The following ITGA11 variants were observed in gnomAD, a reference collection of about 807,000 sequenced individuals.
ITGA11 encodes integrin subunit alpha 11.
A neutral mutation model predicts 141.9 loss-of-function variants in ITGA11; 97 were observed. The observed-to-expected ratio is 0.68, with a 90% CI of 0.58 to 0.81. The LOEUF (loss-of-function observed/expected upper bound fraction) is 0.81. Ranked by LOEUF, ITGA11 falls within the 30% of genes least tolerant of loss-of-function variation. The pLI is 0.00. For missense variants in ITGA11, 1,387 were observed against 1,559.2 expected, an observed-to-expected ratio of 0.89 and a Z score of 1.86; for synonymous variants, 658 against 624.6, an observed-to-expected ratio of 1.05 and a Z score of -0.80.
chr15:68,326,789 T>G lies in ITGA11; in HGVS notation c.2076A>C (p.Arg692Ser). ...GCCTCTCATCCATGGTGGCGTTGTA[T>G]CTGATGCCTGCAGGAGGGGAGAGGG... ...PHFQTTTVGI[R>S]YNATMDERRY... The change falls in exon 17 of 30, where the codon AGA becomes AGC. Residue 692 changes from arginine (R) to serine (S), a missense_variant. Coordinates refer to ENST00000315757, the MANE Select transcript of ITGA11 (RefSeq NM_001004439.2). This position sits in a 1 kb window ranked among gnomAD's most constrained non-coding sequence, Gnocchi z 6.8. The G allele has an allele frequency of 1.3e-6, 2 of 1,580,318 alleles. No homozygotes were observed. The highest frequency in any genetic ancestry group is 1.7e-6 in the Non-Finnish European group (2 of 1,162,534).
chr15:68,331,033 C>T lies in ITGA11; in HGVS notation c.1849G>A (p.Asp617Asn). The T allele has an allele frequency of 6.2e-7, 1 of 1,613,468 alleles. No individual in the cohort carries two copies. Among genetic ancestry groups the T allele is most frequent in the Non-Finnish European group, 8.5e-7 (1 of 1,179,706 alleles). Residue 617 changes from aspartate to asparagine, a missense_variant, in exon 15 of 30, where the codon GAT (aspartate) becomes AAT (asparagine). Coordinates refer to ENST00000315757, the MANE Select transcript of ITGA11 (RefSeq NM_001004439.2). ...CCCACTGCCAGGTCGATGAGCCCAT[C>T]CTCATTGAGGTCCAATTGCCCGTGG... ...SIHGQLDLNE[D>N]GLIDLAVGAL...
At position 68,308,747 on chromosome 15, in the gene ITGA11, AAAAGAAAAGAAAAG is replaced by A. The variant is rs1390963061; in HGVS notation, c.3175-1065_3175-1052del. Among the ~76,000 whole-genome samples, 865 of 4,814 alleles carry A rather than the reference AAAAGAAAAGAAAAG, an allele frequency of 0.18. 9 individuals carry two copies. Among genetic ancestry groups the A allele is most frequent in the South Asian group, 0.42 (114 of 270 alleles). The allele number at this position is 4,814 out of a possible 152,430, so 3.2% of individuals were successfully genotyped here. A position where few individuals can be genotyped will look rare whatever the true frequency, so the allele number is the denominator to read the frequency against. On this transcript the variant is annotated intron_variant, in intron 26 of 29. Transcript: ENST00000315757. The surrounding 1 kb of genome is among the most constrained non-coding windows in gnomAD (Gnocchi z 5.2). ...ACCGAGCCAGACTCTGTCTCAAAAG[AAAAGAAAAGAAAAG>A]AAAGAAAAGAAAAGAAAAGAAAAGG...
chr15:68,369,127 TG>T (rs1049263071), intron 3 of ITGA11, 56 bp downstream of exon 3: 1 of 1,269,500 alleles, frequency 7.9e-7, no homozygotes, highest in African/African-American at 1.5e-5. Flanking sequence ...CATCAGAGCC[TG>T]CCTTGTGTTA....
chr15:68,303,174 G>C lies in ITGA11; in HGVS notation c.3496-44C>G. On this transcript the variant is annotated intron_variant, in intron 29 of 29. Coordinates refer to ENST00000315757, the MANE Select transcript of ITGA11 (RefSeq NM_001004439.2). This position sits in a 1 kb window ranked among gnomAD's most constrained non-coding sequence, Gnocchi z 5.3. ...AGACGTCTCAGAGGAGGACAGGGTG[G>C]GCAAGGCCTGCCCCAGCTTTCCCTC... 1 of 1,504,868 alleles carries C rather than the reference G, an allele frequency of 6.6e-7. No homozygotes were observed. The highest frequency in any genetic ancestry group is 1.4e-5 in the African/African-American group (1 of 71,676). 93.2% of individuals were successfully genotyped at this position (1,504,868 alleles called of 1,614,324 possible).
Position 68,364,786 on chromosome 15 carries a change from A to G in ITGA11, c.278T>C (p.Leu93Pro). ...GTCTTTCCGCTCGGACACGTTGGAC[A>G]GGGTGACCCTTCCTGGGGTTGGGGG... is the stretch of plus-strand genomic sequence containing the variant. ...CTKLNLGRVT[L>P]SNVSERKDNM... Residue 93 changes from leucine to proline, a missense_variant, in exon 4 of 30, where the codon CTG becomes CCG. Coordinates refer to ENST00000315757, the MANE Select transcript of ITGA11 (RefSeq NM_001004439.2). 2 of 1,613,830 alleles carry G rather than the reference A, an allele frequency of 1.2e-6. No homozygotes were observed. The highest frequency in any genetic ancestry group is 2.2e-5 in the East Asian group (1 of 44,856).
chr15:68,348,923 T>A (rs1894823464), intron 9 of ITGA11, 23 bp from the exon 10 acceptor site: 1 of 1,590,242 alleles, frequency 6.3e-7, no homozygotes, highest in South Asian at 1.1e-5. Context: ...GACAGAGAGA[T>A]GTCAGCTCCA....
At chr15:68,361,954 G>A in intron 4 of ITGA11, 1 of 414,696 alleles carries the variant, frequency 2.4e-6, no homozygotes, top group Non-Finnish European at 4.4e-6. Flanking sequence ...TCAAGGCCCT[G>A]TTCTCCATCT....
Position 68,333,587 on chromosome 15 carries a change from G to A in ITGA11, c.1426-1109C>T, listed in dbSNP as rs545962110. ...ACTCCACCCTCCACCTCTCCCACCC[G>A]TAAACCTGCCAGCAAGTGCTACGTG... is the stretch of plus-strand genomic sequence containing the variant. On this transcript the variant is annotated intron_variant, in intron 12 of 29. Transcript: ENST00000315757. This position sits in a 1 kb window ranked among gnomAD's most constrained non-coding sequence, Gnocchi z 4.2. Among the ~76,000 whole-genome samples the A allele has an allele frequency of 2.6e-5, 4 of 152,092 alleles. No individual in the cohort carries two copies. The highest frequency in any genetic ancestry group is 2.1e-4 in the South Asian group (1 of 4,802).
chr15:68,325,292 A>G lies in ITGA11; in HGVS notation c.2212-51T>C. 8.0e-7 allele frequency: 1 copy of G among 1,243,826 alleles called. No homozygotes were observed. The highest frequency in any genetic ancestry group is 1.2e-6 in the Non-Finnish European group (1 of 843,496). The allele number at this position is 1,243,826 out of a possible 1,614,324, so 77.0% of individuals were successfully genotyped here. On this transcript the variant is annotated intron_variant, in intron 17 of 29. Transcript: ENST00000315757. This position sits in a 1 kb window ranked among gnomAD's most constrained non-coding sequence, Gnocchi z 5.5. ...GTGAGGGAGGAGAGAACGTCATTTT[A>G]TGAGCCAGGACCGTGGATGCTGAGA...
chr15:68,423,146 C>T (rs553226047), intron 1 of ITGA11, among the ~76,000 whole-genome samples: 2 of 152,284 alleles, frequency 1.3e-5, no homozygotes, highest in East Asian at 1.9e-4. Flanking sequence ...CTATGTCTCG[C>T]GCTGTGCAAG....
chr15:68,329,153 C>T (rs1028805143), intron 15 of ITGA11, among the ~76,000 whole-genome samples: 36 of 152,328 alleles, frequency 2.4e-4, no homozygotes, highest in Non-Finnish European at 3.2e-4. Context: ...CTTGGCTCCA[C>T]GGGCTCCTCA....
intron 2 of ITGA11, among the ~76,000 whole-genome samples, chr15:68,376,505 G>A (rs139819103): frequency 6.6e-6 from 1 of 152,332 alleles, no homozygotes; most frequent in African/African-American, 2.4e-5. Flanking sequence ...AAATATCCCA[G>A]CACCCAGAAC....
At chr15:68,320,049 C>G (rs1893741642) in intron 20 of ITGA11, 136 bp downstream of exon 20, 1 of 749,752 alleles carries the variant, frequency 1.3e-6, no homozygotes, top group Non-Finnish European at 2.2e-6. Context: ...CTCAGCCTCC[C>G]AAAGTGCTAG....
chr15:68,350,646 G>T lies in ITGA11; in HGVS notation c.1031C>A (p.Ala344Asp), dbSNP rs1369626161. 1.2e-6 allele frequency: 2 copies of T among 1,613,854 alleles called. No individual in the cohort carries two copies. ...DEAALKDIVDALGDRIFSLEG... is the reference protein window; with the variant it reads ...DEAALKDIVDDLGDRIFSLEG... The stretch of plus-strand genomic sequence containing the variant: ...CAGGCTGAAGATTCTGTCCCCCAGG[G>T]CATCGACAATGTCCTTCAAGGCAGC... The change falls in exon 9 of 30, where the codon GCC becomes GAC. Residue 344 changes from alanine to aspartate, a missense_variant. By Grantham distance (126) the Ala-to-Asp change is moderately radical (BLOSUM62 -2). Coordinates refer to ENST00000315757, the MANE Select transcript of ITGA11 (RefSeq NM_001004439.2).
chr15:68,331,922 G>A lies in ITGA11; in HGVS notation c.1707C>T (p.Asn569=), dbSNP rs764139792. 1.2e-6 allele frequency: 2 copies of A among 1,613,442 alleles called. No homozygotes were observed. Among genetic ancestry groups the A allele is most frequent in the East Asian group, 2.2e-5 (1 of 44,854 alleles). The change falls in exon 14 of 30, where the codon AAC becomes AAT. Residue 569 remains asparagine, a synonymous_variant. Coordinates refer to ENST00000315757, the MANE Select transcript of ITGA11 (RefSeq NM_001004439.2). ...GGAAGATGTAGATGGCTCCTGCGTG[G>A]TTGTCCTCCAGGGGGGCTCCCACCA... The part of the protein sequence containing the change: ...DVVVGAPLED[N]HAGAIYIFHG...
intron 18 of ITGA11, among the ~76,000 whole-genome samples, chr15:68,323,938 G>T (rs1893888637): frequency 6.6e-6 from 1 of 152,174 alleles, no homozygotes; most frequent in Admixed American, 6.5e-5. Flanking sequence ...TCAGAGCAGG[G>T]ATTACCCTGT....
At chr15:68,430,578 G>A (rs1010535206) in intron 1 of ITGA11, among the ~76,000 whole-genome samples, 2 of 152,196 alleles carry the variant, frequency 1.3e-5, no homozygotes, top group African/African-American at 4.8e-5. Context: ...TCACACAGGA[G>A]TGCGTCTCTT....
intron 1 of ITGA11, 62 bp downstream of exon 1, chr15:68,431,953 A>T: frequency 8.5e-7 from 1 of 1,170,444 alleles, no homozygotes; most frequent in Non-Finnish European, 1.1e-6. Context: ...CGCTGGATCC[A>T]AGCCCCGAGG....
At chr15:68,366,319 T>C (rs138905003) in intron 3 of ITGA11, among the ~76,000 whole-genome samples, 261 of 152,098 alleles carry the variant, frequency 1.7e-3, no homozygotes, top group African/African-American at 6.1e-3. Flanking sequence ...CATTGAGGTG[T>C]AGAGAGGGTT....
Sources: gnomAD v4.1 joint callset for allele counts (sites outside exome capture counted in the v4.1 genomes callset) on GRCh38, gnomAD v4.1.1 for gene constraint, Gnocchi (gnomAD v3.1) non-coding constraint, MANE v1.5 for transcripts, NCBI Gene and HGNC (gene_info 2026-07-23, HGNC 2026-07-21) for gene names.